CMPK2: variants seen among roughly 807,000 people sequenced by gnomAD.
The protein encoded by CMPK2 is UMP-CMP kinase 2, mitochondrial.
A neutral mutation model predicts 33.4 loss-of-function variants in CMPK2; 32 were observed. That is an observed-to-expected ratio of 0.96 (90% confidence interval 0.72 to 1.29). CMPK2 has a LOEUF of 1.29. CMPK2 is among the 50% of genes most tolerant of loss of function. The probability of loss-of-function intolerance (pLI) is 0.00; values close to 1 mark genes in which losing one functional copy is unlikely to be tolerated. For synonymous variants in CMPK2, 299 were observed against 275.3 expected, an observed-to-expected ratio of 1.09 and a Z score of -0.85; for missense variants, 672 against 616.0, an observed-to-expected ratio of 1.09 and a Z score of -0.96.
rs144950165 is a variant in CMPK2, at chr2:6,858,981, T to G, written c.992+2203A>C. On this transcript the variant is annotated intron_variant, in intron 3 of 4. Transcript: ENST00000256722. ...TCAATGGCTTTGACCAAAATGCTGA[T>G]AATGATATGGACAATGAAATCCAGG... Among the ~76,000 whole-genome samples the G allele has an allele frequency of 9.3e-3, 1,420 of 152,334 alleles. 24 individuals are homozygous for G. The highest frequency in any genetic ancestry group is 0.033 in the African/African-American group (1,359 of 41,572).
downstream of CMPK2, among the ~76,000 whole-genome samples, chr2:6,845,866 T>C (rs1662347183): frequency 6.6e-6 from 1 of 152,166 alleles, no homozygotes; most frequent in African/African-American, 2.4e-5. Flanking sequence ...CAAATGAGCA[T>C]AAGAATTGAA....
chr2:6,849,539 T>G lies in CMPK2; in HGVS notation c.*311A>C, dbSNP rs1338177631. 9.0e-7 allele frequency: 1 copy of G among 1,112,626 alleles called. No individual in the cohort carries two copies. The highest frequency in any genetic ancestry group is 1.1e-6 in the Non-Finnish European group (1 of 909,684). The allele number at this position is 1,112,626 out of a possible 1,614,324, so 68.9% of individuals were successfully genotyped here. The stretch of plus-strand genomic sequence containing the variant: ...TTCTGTACACCTGGTGCTGTCTGAG[T>G]AAGACAGGTCTTCCAGATATTTGGT... On this transcript the variant is annotated 3_prime_UTR_variant, in exon 5 of 5. Coordinates refer to ENST00000256722, the MANE Select transcript of CMPK2 (RefSeq NM_207315.4).
At position 6,851,152 on chromosome 2, in the gene CMPK2, G is replaced by C. The variant is rs527932632; in HGVS notation, c.1226+298C>G. On this transcript the variant is annotated intron_variant, in intron 4 of 4. Transcript: ENST00000256722. ...GCTCTGTGTGATTATACTATGACTGGGGAAACTGAGGCACAGAGACACTTA... is the reference window on the plus strand; with the variant it reads ...GCTCTGTGTGATTATACTATGACTGCGGAAACTGAGGCACAGAGACACTTA... 2.3e-5 allele frequency: 28 copies of C among 1,224,122 alleles called. 1 individual carries two copies. The South Asian group carries it at 4.3e-4, about 19-fold the overall frequency. The allele number at this position is 1,224,122 out of a possible 1,614,324, so 75.8% of individuals were successfully genotyped here.
chr2:6,847,086 G>A (rs1391916652), downstream of CMPK2, among the ~76,000 whole-genome samples: 1 of 152,160 alleles, frequency 6.6e-6, no homozygotes, highest in Non-Finnish European at 1.5e-5. Flanking sequence ...CCACTATGAG[G>A]CCAGTTGTGG....
intron 3 of CMPK2, among the ~76,000 whole-genome samples, chr2:6,857,230 A>C (rs936401144): frequency 1.8e-4 from 27 of 152,122 alleles, no homozygotes; most frequent in African/African-American, 6.3e-4. Context: ...ATCGTGATGT[A>C]AGTTCAGTAT....
At chr2:6,862,947 C>T (rs1009412453) in intron 2 of CMPK2, among the ~76,000 whole-genome samples, 1 of 152,176 alleles carries the variant, frequency 6.6e-6, no homozygotes, top group African/African-American at 2.4e-5. Flanking sequence ...TGTGAGCACA[C>T]ATTATATTTT....
upstream of CMPK2, chr2:6,866,465 C>T: frequency 1.0e-6 from 1 of 985,722 alleles, no homozygotes; most frequent in African/African-American, 1.7e-5. Flanking sequence ...ATTGCCCTCT[C>T]CCTTTTGCTG....
intron 2 of CMPK2, among the ~76,000 whole-genome samples, chr2:6,862,381 C>T (rs1662908379): frequency 6.6e-6 from 1 of 152,216 alleles, no homozygotes; most frequent in South Asian, 2.1e-4. Context: ...GGCCTTGGTG[C>T]AGGATGCAAA....
At chr2:6,847,011 T>C (rs1662378443), downstream of CMPK2, among the ~76,000 whole-genome samples, 1 of 151,738 alleles carries the variant, frequency 6.6e-6, no homozygotes, top group Non-Finnish European at 1.5e-5. Context: ...GAAGTTGGAG[T>C]GAAACTTTAA....
At position 6,865,673 on chromosome 2, in the gene CMPK2, C is replaced by G; in HGVS notation, c.24G>C (p.Leu8=). MAFARRL[L]RGPLSGPLLG... is the part of the protein sequence containing the mutation. ...GCAGCGGCCCCGACAGTGGCCCGCG[C>G]AGGAGCCGGCGGGCGAAGGCCATGG... Residue 8 remains leucine (L), a synonymous_variant, in exon 1 of 5, where the codon CTG becomes CTC. Transcript: ENST00000256722. 1 of 1,305,976 alleles carries G rather than the reference C, an allele frequency of 7.7e-7. No homozygotes were observed. The highest frequency in any genetic ancestry group is 9.7e-7 in the Non-Finnish European group (1 of 1,035,230). 80.9% of individuals were successfully genotyped at this position (1,305,976 alleles called of 1,614,324 possible). A position where few individuals can be genotyped will look rare whatever the true frequency, so the allele number is the denominator to read the frequency against.
rs992498261 is a variant in CMPK2 at position 6,865,731 on chromosome 2, C to G, written c.-35G>C. The G allele has an allele frequency of 5.2e-5, 67 of 1,278,242 alleles. No homozygotes were observed. Among genetic ancestry groups the G allele is most frequent in the Non-Finnish European group, 6.6e-5 (67 of 1,013,780 alleles). The allele number at this position is 1,278,242 out of a possible 1,614,324, so 79.2% of individuals were successfully genotyped here. A position where few individuals can be genotyped will look rare whatever the true frequency, so the allele number is the denominator to read the frequency against. On this transcript the variant is annotated 5_prime_UTR_variant, in exon 1 of 5. Transcript: ENST00000256722. ...AGCGACGCCGCCCTCGGCCCCGCCT[C>G]GGAAACGAAACCTGGCGGGAGCCAG...
In CMPK2 at chr2:6,863,548, C is replaced by G. The variant is rs1312444360; in HGVS notation, c.706G>C (p.Val236Leu). The G allele has an allele frequency of 6.2e-7, 1 of 1,614,066 alleles. No homozygotes were observed. Among genetic ancestry groups the G allele is most frequent in the Non-Finnish European group, 8.5e-7 (1 of 1,180,016 alleles). ...GGGCACTGGTCGACCAGGTCAAGCA[C>G]TGCCCGGGCTTCAGGAATAAAGGAG... ...CTSFIPEARA[V>L]LDLVDQCPKQ... Residue 236 changes from valine to leucine, a missense_variant, in exon 2 of 5, where the codon GTG becomes CTG. Val to Leu is a conservative substitution (Grantham distance 32). Coordinates refer to ENST00000256722, the MANE Select transcript of CMPK2 (RefSeq NM_207315.4).
Position 6,865,723 on chromosome 2 carries a change from C to T in CMPK2, c.-27G>A. 1 of 1,282,250 alleles carries T rather than the reference C, an allele frequency of 7.8e-7. No individual in the cohort carries two copies. The allele number at this position is 1,282,250 out of a possible 1,614,324, so 79.4% of individuals were successfully genotyped here. A position where few individuals can be genotyped will look rare whatever the true frequency, so the allele number is the denominator to read the frequency against. ...GGCGCCTCAGCGACGCCGCCCTCGG[C>T]CCCGCCTCGGAAACGAAACCTGGCG... On this transcript the variant is annotated 5_prime_UTR_variant, in exon 1 of 5. Coordinates refer to ENST00000256722, the MANE Select transcript of CMPK2 (RefSeq NM_207315.4).
chr2:6,849,670 G>C lies in CMPK2; in HGVS notation c.*180C>G. ...TGATGAGAGGGACCTTTGTGATGAC[G>C]GGTCCATCAGTCAGAAGAGGGTACG... On this transcript the variant is annotated 3_prime_UTR_variant, in exon 5 of 5. Coordinates refer to ENST00000256722, the MANE Select transcript of CMPK2 (RefSeq NM_207315.4). The C allele has an allele frequency of 3.5e-6, 5 of 1,439,178 alleles. No individual in the cohort carries two copies. In the South Asian group the frequency reaches 7.9e-5, roughly 23 times the overall value. The allele number at this position is 1,439,178 out of a possible 1,614,324, so 89.2% of individuals were successfully genotyped here.
downstream of CMPK2, among the ~76,000 whole-genome samples, chr2:6,846,868 C>T (rs1428663230): frequency 1.3e-5 from 2 of 152,202 alleles, no homozygotes; most frequent in African/African-American, 2.4e-5. Context: ...TTCCCTTCTT[C>T]CCAGCCAATG....
Position 6,849,099 on chromosome 2 carries a change from G to A in CMPK2, c.*751C>T. On this transcript the variant is annotated 3_prime_UTR_variant, in exon 5 of 5. Coordinates refer to ENST00000256722, the MANE Select transcript of CMPK2 (RefSeq NM_207315.4). ...ATGGAAAATGTGCATTCTATTCAGAGCCATACTTTAGAAAAAAAGAAAAGA... is the reference window on the plus strand; with the variant it reads ...ATGGAAAATGTGCATTCTATTCAGAACCATACTTTAGAAAAAAAGAAAAGA... 1 of 984,138 alleles carries A rather than the reference G, an allele frequency of 1.0e-6. No individual in the cohort carries two copies. The highest frequency in any genetic ancestry group is 1.2e-6 in the Non-Finnish European group (1 of 828,710). The allele number at this position is 984,138 out of a possible 1,614,324, so 61.0% of individuals were successfully genotyped here. A position where few individuals can be genotyped will look rare whatever the true frequency, so the allele number is the denominator to read the frequency against.
Position 6,848,364 on chromosome 2 carries a change from GA to G in CMPK2, c.*1485del. 2 of 985,226 alleles carry G rather than the reference GA, an allele frequency of 2.0e-6. No homozygotes were observed. Among genetic ancestry groups the G allele is most frequent in the South Asian group, 9.4e-5 (2 of 21,286 alleles). 61.0% of individuals were successfully genotyped at this position (985,226 alleles called of 1,614,324 possible). The stretch of plus-strand genomic sequence containing the variant: ...TTTATTCATGTGCCAGGGACATAAA[GA>G]TACATTAATTGTTTGTTTTTCTAGG... On this transcript the variant is annotated 3_prime_UTR_variant, in exon 5 of 5. Coordinates refer to ENST00000256722, the MANE Select transcript of CMPK2 (RefSeq NM_207315.4).
chr2:6,842,319 A>T (rs1008815554), intron 3 of CMPK2, among the ~76,000 whole-genome samples: 2 of 152,202 alleles, frequency 1.3e-5, no homozygotes, highest in Non-Finnish European at 2.9e-5. Context: ...AGCAAAACTT[A>T]ATATTTGAGG....
chr2:6,854,119 A>G (rs1280374161), intron 3 of CMPK2, among the ~76,000 whole-genome samples: 1 of 152,114 alleles, frequency 6.6e-6, no homozygotes, highest in African/African-American at 2.4e-5. Flanking sequence ...TTGTCCCTCA[A>G]GCTCAAAAAA....
Sources: gnomAD v4.1 joint callset for allele counts (sites outside exome capture counted in the v4.1 genomes callset) on GRCh38, gnomAD v4.1.1 for gene constraint, MANE v1.5 for transcripts, NCBI Gene and HGNC (gene_info 2026-07-23, HGNC 2026-07-21) for gene names.